Variants in PIP5K1B observed in about 807,000 individuals in gnomAD.
The protein encoded by PIP5K1B is phosphatidylinositol-4-phosphate 5-kinase type 1 beta.
In PIP5K1B, 42 loss-of-function variants were observed where a neutral mutation model predicts 67.0. The ratio of observed to expected loss-of-function variants is 0.63; its 90% CI spans 0.49 to 0.81. The LOEUF is 0.81. Among genes scored for constraint, PIP5K1B ranks in the 30% least tolerant of loss-of-function variants. PIP5K1B has a pLI of 0.00. For missense variants in PIP5K1B, 459 were observed against 646.3 expected (o/e 0.71, Z 3.14); for synonymous variants, 214 against 231.4 (o/e 0.92, Z 0.68).
At chr9:68,973,297 G>A (rs773841055) in intron 14 of PIP5K1B, among the ~76,000 whole-genome samples, 13 of 152,070 alleles carry the variant, frequency 8.5e-5, no homozygotes, top group Non-Finnish European at 1.8e-4. Context: ...AAAAATCTAA[G>A]GAGAGGCTGT....
At chr9:68,872,218 TA>T (rs1823659750) in intron 5 of PIP5K1B, among the ~76,000 whole-genome samples, 1 of 152,232 alleles carries the variant, frequency 6.6e-6, no homozygotes. Flanking sequence ...CTACACACAG[TA>T]AATGTGCCAG....
chr9:68,793,888 C>G (rs994809070), intron 2 of PIP5K1B, among the ~76,000 whole-genome samples: 1 of 152,106 alleles, frequency 6.6e-6, no homozygotes, highest in Non-Finnish European at 1.5e-5. Context: ...AAAGAAAAGA[C>G]TAAGAACTGA....
chr9:68,888,643 A>G (rs532911512), intron 6 of PIP5K1B, among the ~76,000 whole-genome samples: 11 of 152,198 alleles, frequency 7.2e-5, no homozygotes, highest in Non-Finnish European at 1.5e-4. Flanking sequence ...TTCACTTGTT[A>G]TTTTATGGAC....
intron 15 of PIP5K1B, among the ~76,000 whole-genome samples, chr9:69,002,311 C>A (rs1888331): frequency 0.97 from 148,154 of 152,332 alleles, 72,194 homozygotes; most frequent in East Asian, 1. Context: ...TCTAATGCTG[C>A]GTCCAAATAT....
At chr9:68,837,606 T>TG (rs1408312177) in intron 4 of PIP5K1B, among the ~76,000 whole-genome samples, 3 of 65,284 alleles carry the variant, frequency 4.6e-5, no homozygotes, top group Non-Finnish European at 6.2e-5. Flanking sequence ...CCTTACTTTG[T>TG]GTTTTTTTTT....
intron 12 of PIP5K1B, among the ~76,000 whole-genome samples, chr9:68,933,761 T>C (rs1405763678): frequency 1.3e-5 from 2 of 152,356 alleles, no homozygotes; most frequent in East Asian, 3.9e-4. Context: ...GATATTATTA[T>C]GATTCTAAGA....
At chr9:68,997,884 G>T (rs1830662418) in intron 15 of PIP5K1B, among the ~76,000 whole-genome samples, 2 of 152,068 alleles carry the variant, frequency 1.3e-5, no homozygotes, top group South Asian at 4.1e-4. Flanking sequence ...ATTCCAGCTG[G>T]AGTTATAAAG....
rs1389278566 is a variant in PIP5K1B, at chr9:68,779,937, C to G, written c.-86+37280C>G. On this transcript the variant is annotated intron_variant, in intron 2 of 15. Coordinates refer to ENST00000265382, the MANE Select transcript of PIP5K1B (RefSeq NM_003558.4). ...CGAAGGAATATACGGACTAGCGGCC[C>G]GACCACTCCTCGCCCCTCCCCTACC... 8.1e-6 allele frequency: 4 copies of G among 491,494 alleles called. No homozygotes were observed. The East Asian group carries it at 1.0e-4, about 13-fold the overall frequency. 30.4% of individuals were successfully genotyped at this position (491,494 alleles called of 1,614,324 possible).
intron 2 of PIP5K1B, among the ~76,000 whole-genome samples, chr9:68,773,828 C>A (rs548263351): frequency 3.9e-5 from 6 of 152,056 alleles, no homozygotes; most frequent in Non-Finnish European, 8.8e-5. Flanking sequence ...ACTTAACGGG[C>A]CCTCAATGAT....
intron 2 of PIP5K1B, among the ~76,000 whole-genome samples, chr9:68,765,470 G>C (rs1256591322): frequency 6.6e-6 from 1 of 151,986 alleles, no homozygotes; most frequent in Non-Finnish European, 1.5e-5. Flanking sequence ...TCGTTCTCTT[G>C]TCTGAGTTGG....
chr9:68,863,014 G>C (rs1281012388), intron 4 of PIP5K1B, among the ~76,000 whole-genome samples: 2 of 152,102 alleles, frequency 1.3e-5, no homozygotes, highest in East Asian at 3.9e-4. Flanking sequence ...CAGAAAGAAA[G>C]TATCTTTTCT....
chr9:68,781,004 A>T (rs370667386), intron 2 of PIP5K1B: 4 of 1,613,296 alleles, frequency 2.5e-6, no homozygotes. Flanking sequence ...CATTTATTCC[A>T]CTAGATGAAC....
chr9:68,975,757 T>C (rs1829606574), intron 14 of PIP5K1B, among the ~76,000 whole-genome samples: 1 of 152,232 alleles, frequency 6.6e-6, no homozygotes, highest in African/African-American at 2.4e-5. Context: ...CTCTGCTAGC[T>C]TCTGGTGGTG....
intron 4 of PIP5K1B, among the ~76,000 whole-genome samples, chr9:68,844,824 C>T (rs1036447400): frequency 5.3e-5 from 8 of 152,206 alleles, no homozygotes; most frequent in Non-Finnish European, 1.0e-4. Flanking sequence ...TCCTGCTCCA[C>T]TTGTGAGAAA....
chr9:68,815,924 C>T (rs1833419724), intron 2 of PIP5K1B, among the ~76,000 whole-genome samples: 1 of 151,702 alleles, frequency 6.6e-6, no homozygotes. Flanking sequence ...TTTAGTAAGA[C>T]ATAAGACAAA....
At chr9:68,967,249 T>C (rs557092827) in intron 14 of PIP5K1B, among the ~76,000 whole-genome samples, 2 of 152,326 alleles carry the variant, frequency 1.3e-5, no homozygotes, top group African/African-American at 4.8e-5. Context: ...TTATGCAACC[T>C]AATAAATGAT....
intron 2 of PIP5K1B, among the ~76,000 whole-genome samples, chr9:68,747,061 G>A (rs1044742743): frequency 9.9e-5 from 15 of 151,830 alleles, no homozygotes; most frequent in African/African-American, 3.1e-4. Flanking sequence ...TAGGCTTGGC[G>A]ATCGCCTTCC....
intron 14 of PIP5K1B, among the ~76,000 whole-genome samples, chr9:68,978,907 A>G (rs1017633623): frequency 2.0e-5 from 3 of 152,102 alleles, no homozygotes; most frequent in Admixed American, 6.6e-5. Context: ...GAAGCTTTCT[A>G]CGTTTAACTT....
intron 8 of PIP5K1B, among the ~76,000 whole-genome samples, chr9:68,903,315 G>T (rs1373237517): frequency 1.3e-5 from 2 of 152,154 alleles, no homozygotes; most frequent in South Asian, 4.1e-4. Context: ...ATAAAAGCAG[G>T]TTTTAGTAAT....
Sources: allele counts gnomAD v4.1 joint callset (sites outside exome capture counted in the v4.1 genomes callset), GRCh38; gene constraint gnomAD v4.1.1; transcripts MANE v1.5; gene names NCBI Gene and HGNC (gene_info 2026-07-23, HGNC 2026-07-21).